The following ZNF107 variants were observed in gnomAD, a reference collection of about 807,000 sequenced individuals.
ZNF107 encodes the protein C2H2 type zinc-finger protein.
A neutral mutation model predicts 12.3 loss-of-function variants in ZNF107; 19 were observed. The observed-to-expected ratio is 1.55, with a 90% CI of 1.08 to 2.27. The LOEUF is 2.27. Ranked by LOEUF, ZNF107 falls within the 30% of genes most tolerant of loss-of-function variation. The pLI is 0.00. For missense variants in ZNF107, 958 were observed against 979.9 expected, an observed-to-expected ratio of 0.98 and a Z score of 0.30; for synonymous variants, 317 against 330.5, an observed-to-expected ratio of 0.96 and a Z score of 0.44.
At chr7:64,683,846 A>C (rs1486578727) in intron 1 of ZNF107, among the ~76,000 whole-genome samples, 5 of 152,128 alleles carry the variant, frequency 3.3e-5, no homozygotes, top group Non-Finnish European at 7.4e-5. Context: ...CAAAAAATAT[A>C]AGTACCTCCT....
At chr7:64,685,195 G>A (rs929846753) in intron 1 of ZNF107, among the ~76,000 whole-genome samples, 1 of 152,182 alleles carries the variant, frequency 6.6e-6, no homozygotes, top group African/African-American at 2.4e-5. Flanking sequence ...ACACGGCCCT[G>A]TGACTACAAA....
At chr7:64,701,249 T>C (rs1790467197) in intron 3 of ZNF107, among the ~76,000 whole-genome samples, 1 of 152,166 alleles carries the variant, frequency 6.6e-6, no homozygotes, top group Admixed American at 6.6e-5. Context: ...CATTCTGATA[T>C]TTTCAACCTA....
chr7:64,706,686 A>C lies in ZNF107; in HGVS notation c.589A>C (p.Arg197=). 3.1e-6 allele frequency: 5 copies of C among 1,612,984 alleles called. No individual in the cohort carries two copies. Among genetic ancestry groups the C allele is most frequent in the Non-Finnish European group, 4.2e-6 (5 of 1,179,552 alleles). Residue 197 remains arginine, a synonymous_variant, in exon 4 of 4, where the codon AGA becomes CGA. Coordinates refer to ENST00000620827, the MANE Select transcript of ZNF107 (RefSeq NM_001282359.2). ...AACTCAGCATAGAAGAATTCATACT[A>C]GAGTGAATTCCTACAAATGTGAAGA... ...QLTQHRRIHT[R]VNSYKCEECG... is the part of the protein sequence containing the mutation.
At chr7:64,698,228 T>C (rs1320296549) in intron 3 of ZNF107, among the ~76,000 whole-genome samples, 1 of 152,172 alleles carries the variant, frequency 6.6e-6, no homozygotes, top group East Asian at 1.9e-4. Context: ...AAAATTTAAT[T>C]CAATTATTTG....
intron 1 of ZNF107, among the ~76,000 whole-genome samples, chr7:64,672,563 A>G (rs1238926402): frequency 2.0e-5 from 3 of 152,124 alleles, no homozygotes; most frequent in Admixed American, 1.3e-4. Flanking sequence ...TGGTTCTTCC[A>G]CATTGCTCAG....
chr7:64,683,014 C>G (rs1335341347), intron 1 of ZNF107, among the ~76,000 whole-genome samples: 2 of 152,198 alleles, frequency 1.3e-5, no homozygotes, highest in Non-Finnish European at 2.9e-5. Flanking sequence ...GGTAGTTCTT[C>G]AAGACCCAAC....
intron 1 of ZNF107, among the ~76,000 whole-genome samples, chr7:64,676,396 G>A (rs1325064856): frequency 6.6e-6 from 1 of 152,278 alleles, no homozygotes; most frequent in Admixed American, 6.5e-5. Context: ...GGACTATTTG[G>A]TCAAGTGTTA....
At chr7:64,696,309 A>G (rs1033169127) in intron 3 of ZNF107, among the ~76,000 whole-genome samples, 2 of 151,764 alleles carry the variant, frequency 1.3e-5, no homozygotes, top group Non-Finnish European at 2.9e-5. Flanking sequence ...CGGCCTTTCA[A>G]AGTGCTGGGA....
At chr7:64,666,694 A>C in intron 1 of ZNF107, among the ~76,000 whole-genome samples, 1 of 152,222 alleles carries the variant, frequency 6.6e-6, no homozygotes, top group East Asian at 1.9e-4. Context: ...TGGGGTTCCT[A>C]GTCCATCTTT....
intron 1 of ZNF107, among the ~76,000 whole-genome samples, chr7:64,678,738 T>C (rs1331254643): frequency 6.6e-6 from 1 of 152,158 alleles, no homozygotes; most frequent in Non-Finnish European, 1.5e-5. Flanking sequence ...TTATAGTAGA[T>C]ATTAGTATGA....
intron 1 of ZNF107, among the ~76,000 whole-genome samples, chr7:64,682,313 C>T (rs1789714902): frequency 1.3e-5 from 2 of 152,134 alleles, no homozygotes; most frequent in Non-Finnish European, 2.9e-5. Context: ...CTCCTAGACC[C>T]CAGTCCCTTC....
rs1790691707 is a variant in ZNF107, at chr7:64,707,306, CAA to C, written c.1211_1212del (p.Lys404SerfsTer3). 3 of 1,612,344 alleles carry C rather than the reference CAA, an allele frequency of 1.9e-6. No homozygotes were observed. Among genetic ancestry groups the C allele is most frequent in the Non-Finnish European group, 2.5e-6 (3 of 1,179,476 alleles). On this transcript the variant is annotated frameshift_variant, in exon 4 of 4. Coordinates refer to ENST00000620827, the MANE Select transcript of ZNF107 (RefSeq NM_001282359.2). LOFTEE classifies it low-confidence loss of function (END_TRUNC). ...EKPYKCEECGKVFNQFSTLTR... is the reference protein window; with the variant it reads ...EKPYKCEECGXVFNQFSTLTR... ...AACCCTACAAATGTGAAGAATGTGG[CAA>C]AGTCTTTAACCAGTTCTCAACTCTT...
At position 64,706,765 on chromosome 7, in the gene ZNF107, AT is replaced by A. The variant is rs1562845549; in HGVS notation, c.669del (p.His223GlnfsTer27). On this transcript the variant is annotated frameshift_variant, in exon 4 of 4. Coordinates refer to ENST00000620827, the MANE Select transcript of ZNF107 (RefSeq NM_001282359.2). LOFTEE classifies it low-confidence loss of function (END_TRUNC). ...FSTLTKHKRI[H>X]TGEKPYKCEE... is the part of the protein sequence containing the mutation. The stretch of plus-strand genomic sequence containing the variant: ...ACTCTTACTAAACATAAGAGAATTC[AT>A]ACTGGAGAAAAGCCCTACAAATGTG... The A allele has an allele frequency of 6.2e-7, 1 of 1,613,338 alleles. No homozygotes were observed. Among genetic ancestry groups the A allele is most frequent in the African/African-American group, 1.3e-5 (1 of 75,036 alleles).
intron 3 of ZNF107, among the ~76,000 whole-genome samples, chr7:64,702,745 C>T (rs561944023): frequency 6.6e-4 from 101 of 151,928 alleles, no homozygotes; most frequent in African/African-American, 2.3e-3. Context: ...TTAGTAGAGA[C>T]GGGGTTTCTC....
chr7:64,691,639 G>A (rs977254559), intron 2 of ZNF107, among the ~76,000 whole-genome samples: 1 of 152,066 alleles, frequency 6.6e-6, no homozygotes, highest in African/African-American at 2.4e-5. Flanking sequence ...ATGAAATATT[G>A]TTGCCCACGC....
At chr7:64,668,210 G>C (rs1450800328) in intron 1 of ZNF107, among the ~76,000 whole-genome samples, 2 of 151,674 alleles carry the variant, frequency 1.3e-5, no homozygotes, top group African/African-American at 4.8e-5. Context: ...TAACGTGCAG[G>C]TTTGTTACAT....
chr7:64,705,809 A>G (rs1790619709), intron 3 of ZNF107, among the ~76,000 whole-genome samples: 1 of 151,520 alleles, frequency 6.6e-6, no homozygotes, highest in Admixed American at 6.6e-5. Flanking sequence ...TCACTGCTGT[A>G]ACATTTACCT....
rs530630468 is a variant in ZNF107, at chr7:64,690,530, G to A, written c.4-718G>A. 11 of 985,346 alleles carry A rather than the reference G, an allele frequency of 1.1e-5. No homozygotes were observed. The South Asian group carries it at 3.8e-4, about 34-fold the overall frequency. The allele number at this position is 985,346 out of a possible 1,614,324, so 61.0% of individuals were successfully genotyped here. On this transcript the variant is annotated intron_variant, in intron 1 of 3. Transcript: ENST00000620827. ...GGAGATAAATGGGAAAAAAAGGTAT[G>A]CATTTTAGGGTCCTAATTTTTAAAA...
intron 3 of ZNF107, among the ~76,000 whole-genome samples, chr7:64,705,297 GT>G (rs540601649): frequency 1.9e-4 from 29 of 150,982 alleles, no homozygotes; most frequent in South Asian, 6.3e-4. Context: ...ATATTTTTAA[GT>G]TTTTTTTGCA....
Sources: allele counts gnomAD v4.1 joint callset (sites outside exome capture counted in the v4.1 genomes callset), GRCh38; gene constraint gnomAD v4.1.1; transcripts MANE v1.5; gene names NCBI Gene and HGNC (gene_info 2026-07-23, HGNC 2026-07-21).